CCDC60: variants seen among roughly 807,000 people sequenced by gnomAD.
The protein encoded by CCDC60 is coiled-coil domain-containing protein 60.
A neutral mutation model predicts 63.5 loss-of-function variants in CCDC60; 54 were observed. The observed-to-expected ratio is 0.85, with a 90% confidence interval of 0.68 to 1.07. The LOEUF is 1.07. Ranked by LOEUF, CCDC60 falls within the 50% of genes least tolerant of loss-of-function variation. The pLI, the probability that CCDC60 is intolerant of heterozygous loss-of-function variation, is 0.00. For missense variants in CCDC60, 651 were observed against 684.3 expected (o/e 0.95, Z 0.54); for synonymous variants, 206 against 238.8 (o/e 0.86, Z 1.27).
chr12:119,335,352 T>C, intron 1 of CCDC60, 86 bp downstream of exon 1: 3 of 1,025,552 alleles, frequency 2.9e-6, no homozygotes, highest in Non-Finnish European at 2.9e-6. Context: ...TTTCTAGTTC[T>C]AGATCCCTGA....
Position 119,410,917 on chromosome 12 carries a change from AT to A in CCDC60, c.91-17757del, listed in dbSNP as rs34794529. The stretch of plus-strand genomic sequence containing the variant: ...ACCACTACACTCAGCTAATTTTTGT[AT>A]TTTTTTTTAGTAGAGACAGGGTTTT... On this transcript the variant is annotated intron_variant, in intron 1 of 13. Transcript: ENST00000327554. This position sits in a 1 kb window ranked among gnomAD's most constrained non-coding sequence, Gnocchi z 4.0. 0.53 allele frequency among the ~76,000 whole-genome samples: 80,114 copies of A among 151,386 alleles called. 21,502 individuals are homozygous for A. The highest frequency in any genetic ancestry group is 0.62 in the South Asian group (2,953 of 4,798).
chr12:119,505,463 T>C (rs1161904123), intron 7 of CCDC60, among the ~76,000 whole-genome samples, 160 bp downstream of exon 7: 2 of 152,262 alleles, frequency 1.3e-5, no homozygotes, highest in Non-Finnish European at 2.9e-5. Context: ...TTTTCCCCAG[T>C]GGAGATCAGA....
Position 119,367,150 on chromosome 12 carries a change from C to G in CCDC60, c.90+31884C>G, listed in dbSNP as rs115996248. ...ACCTGGCCTGAAAACACGTATCATACTTGCTATGTGCCAGACACAATTCTA... is the reference window on the plus strand; with the variant it reads ...ACCTGGCCTGAAAACACGTATCATAGTTGCTATGTGCCAGACACAATTCTA... On this transcript the variant is annotated intron_variant, in intron 1 of 13. Coordinates refer to ENST00000327554, the MANE Select transcript of CCDC60 (RefSeq NM_178499.5). 7.9e-3 allele frequency among the ~76,000 whole-genome samples: 1,203 copies of G among 152,294 alleles called. 14 individuals are homozygous for G. Among genetic ancestry groups the G allele is most frequent in the African/African-American group, 0.028 (1,148 of 41,570 alleles).
At chr12:119,369,497 C>T (rs983110384) in intron 1 of CCDC60, among the ~76,000 whole-genome samples, 1 of 152,120 alleles carries the variant, frequency 6.6e-6, no homozygotes, top group Non-Finnish European at 1.5e-5. Flanking sequence ...CCACTGAATC[C>T]TTGAAAGCTA....
chr12:119,362,532 C>A (rs1040781457), intron 1 of CCDC60, among the ~76,000 whole-genome samples: 2 of 152,242 alleles, frequency 1.3e-5, no homozygotes, highest in South Asian at 2.1e-4. Context: ...TTCTCTTTTA[C>A]CTCTGGCTTC....
intron 1 of CCDC60, among the ~76,000 whole-genome samples, chr12:119,403,888 T>C (rs4991185): frequency 0.18 from 27,960 of 152,212 alleles, 3,133 homozygotes; most frequent in South Asian, 0.36. Flanking sequence ...TACAACGTGA[T>C]GTTTTGATGT....
chr12:119,538,191 G>A (rs185740157), intron 13 of CCDC60, among the ~76,000 whole-genome samples: 78 of 152,342 alleles, frequency 5.1e-4, no homozygotes, highest in African/African-American at 1.8e-3. Context: ...CACTAGCAGT[G>A]AGCAATGCTC....
intron 1 of CCDC60, among the ~76,000 whole-genome samples, chr12:119,377,442 C>G (rs1955965066): frequency 6.6e-6 from 1 of 151,952 alleles, no homozygotes; most frequent in Non-Finnish European, 1.5e-5. Flanking sequence ...TGTTTACATG[C>G]ACAAGTAATA....
intron 1 of CCDC60, among the ~76,000 whole-genome samples, chr12:119,358,927 C>A (rs1002691628): frequency 3.9e-5 from 6 of 152,142 alleles, no homozygotes; most frequent in African/African-American, 1.4e-4. Context: ...TGTACAATGC[C>A]TTTTGGTGAA....
chr12:119,485,905 C>G (rs12425423), intron 4 of CCDC60, among the ~76,000 whole-genome samples: 2,025 of 152,290 alleles, frequency 0.013, 23 homozygotes, highest in Non-Finnish European at 0.022. Flanking sequence ...TGCTCACATG[C>G]CCCGCTTCCC....
intron 1 of CCDC60, among the ~76,000 whole-genome samples, chr12:119,404,712 G>T (rs1956454879): frequency 6.6e-6 from 1 of 152,158 alleles, no homozygotes; most frequent in South Asian, 2.1e-4. Flanking sequence ...TAGGCAGATA[G>T]GGCACTCTTG....
chr12:119,427,376 A>G (rs867023888), intron 1 of CCDC60, among the ~76,000 whole-genome samples: 13 of 152,346 alleles, frequency 8.5e-5, no homozygotes, highest in African/African-American at 2.6e-4. Context: ...TTATATATCA[A>G]TAAACATACT....
Position 119,382,709 on chromosome 12 carries a change from T to C in CCDC60, c.91-45974T>C, listed in dbSNP as rs1302797921. On this transcript the variant is annotated intron_variant, in intron 1 of 13. Coordinates refer to ENST00000327554, the MANE Select transcript of CCDC60 (RefSeq NM_178499.5). Reference sequence around the variant, plus strand: ...CACTTAGGCTGATTCATGAAGTCTTTGAAGTCTGTTATGAGGAATTTTGAC... The same window carrying C: ...CACTTAGGCTGATTCATGAAGTCTTCGAAGTCTGTTATGAGGAATTTTGAC... 2.6e-5 allele frequency among the ~76,000 whole-genome samples: 4 copies of C among 152,340 alleles called. No individual in the cohort carries two copies. In the East Asian group the frequency reaches 5.8e-4, roughly 22 times the overall value.
intron 1 of CCDC60, among the ~76,000 whole-genome samples, chr12:119,381,614 C>T (rs1369150351): frequency 4.6e-5 from 7 of 152,192 alleles, no homozygotes; most frequent in Non-Finnish European, 1.5e-5. Context: ...GTGCACCAGG[C>T]ACCAAACTGA....
At position 119,420,898 on chromosome 12, in the gene CCDC60, C is replaced by T. The variant is rs4594060; in HGVS notation, c.91-7785C>T. On this transcript the variant is annotated intron_variant, in intron 1 of 13. Coordinates refer to ENST00000327554, the MANE Select transcript of CCDC60 (RefSeq NM_178499.5). This position sits in a 1 kb window ranked among gnomAD's most constrained non-coding sequence, Gnocchi z 4.1. ...TAAAACCACCAAAAACTTAAACATC[C>T]GTGTGCAAGCTAAGGTCTCCGGGTT... 0.013 allele frequency among the ~76,000 whole-genome samples: 1,908 copies of T among 152,236 alleles called. 43 individuals are homozygous for T. Among genetic ancestry groups the T allele is most frequent in the African/African-American group, 0.042 (1,743 of 41,540 alleles).
chr12:119,476,732 T>C lies in CCDC60; in HGVS notation c.342-2362T>C, dbSNP rs191288239. ...CCAAGGCCCTGGATGGTCTAGCCTG[T>C]GGCTTGCCTCTCCAGCCCCAGCTCA... On this transcript the variant is annotated intron_variant, in intron 3 of 13. Transcript: ENST00000327554. Among the ~76,000 whole-genome samples the C allele has an allele frequency of 1.3e-3, 198 of 152,324 alleles. 1 individual carries two copies. Among genetic ancestry groups the C allele is most frequent in the African/African-American group, 4.5e-3 (186 of 41,570 alleles).
intron 1 of CCDC60, among the ~76,000 whole-genome samples, chr12:119,417,511 C>G (rs1956723997): frequency 6.6e-6 from 1 of 152,120 alleles, no homozygotes; most frequent in South Asian, 2.1e-4. Flanking sequence ...AATCCTCCTT[C>G]CCAGAGCACC....
chr12:119,425,924 A>C (rs892407687), intron 1 of CCDC60, among the ~76,000 whole-genome samples: 1 of 152,200 alleles, frequency 6.6e-6, no homozygotes, highest in Non-Finnish European at 1.5e-5. Context: ...CCAAGATGCA[A>C]GTGCTGAGTG....
intron 2 of CCDC60, among the ~76,000 whole-genome samples, chr12:119,465,078 G>A (rs773663270): frequency 1.1e-4 from 17 of 152,196 alleles, no homozygotes; most frequent in African/African-American, 2.4e-4. Context: ...TTGGGAGGCC[G>A]AGGCGGGTGG....
Sources: gnomAD v4.1 joint callset for allele counts (sites outside exome capture counted in the v4.1 genomes callset) on GRCh38, gnomAD v4.1.1 for gene constraint, Gnocchi (gnomAD v3.1) non-coding constraint, MANE v1.5 for transcripts, NCBI Gene and HGNC (gene_info 2026-07-23, HGNC 2026-07-21) for gene names.